PHOSPHO2: variants seen among roughly 807,000 people sequenced by gnomAD.
The protein encoded by PHOSPHO2 is phosphatase, orphan 2, also known as pyridoxal phosphate phosphatase PHOSPHO2.
Under a neutral mutation model 16.4 loss-of-function variants are expected in PHOSPHO2, and 14 were observed. The ratio of observed to expected loss-of-function variants is 0.85; its 90% CI spans 0.56 to 1.33. The LOEUF (loss-of-function observed/expected upper bound fraction) is 1.33. PHOSPHO2 is among the 40% of genes most tolerant of loss of function. PHOSPHO2 has a pLI of 0.00. For synonymous variants in PHOSPHO2, 85 were observed against 90.5 expected (o/e 0.94, Z 0.34); for missense variants, 246 against 282.5 (o/e 0.87, Z 0.93).
chr2:169,700,825 A>T (rs1305747562), intron 3 of PHOSPHO2, 121 bp from the exon 4 acceptor site: 2 of 1,011,760 alleles, frequency 2.0e-6, no homozygotes, highest in African/African-American at 1.6e-5. Flanking sequence ...TGAAGTGCTT[A>T]ATTACTTTGT....
intron 3 of PHOSPHO2, among the ~76,000 whole-genome samples, chr2:169,699,579 C>T (rs1364341590): frequency 6.6e-6 from 1 of 152,118 alleles, no homozygotes; most frequent in East Asian, 1.9e-4. Context: ...TCTGCCTCTA[C>T]GTCTTTGAGG....
At position 169,694,500 on chromosome 2, in the gene PHOSPHO2, G is replaced by C. The variant is rs942665567; in HGVS notation, c.-353G>C. On this transcript the variant is annotated 5_prime_UTR_variant, in exon 1 of 4. Coordinates refer to ENST00000359744, the MANE Select transcript of PHOSPHO2 (RefSeq NM_001008489.4). ...GGCGGTCGGGCTAGAGAAGAGAGGCGCCTGCGCTTGCGAGCTGGGCTTGTG... is the reference window on the plus strand; with the variant it reads ...GGCGGTCGGGCTAGAGAAGAGAGGCCCCTGCGCTTGCGAGCTGGGCTTGTG... 1.0e-5 allele frequency: 7 copies of C among 672,004 alleles called. No homozygotes were observed. The highest frequency in any genetic ancestry group is 3.3e-5 in the South Asian group (2 of 60,688). The allele number at this position is 672,004 out of a possible 1,614,324, so 41.6% of individuals were successfully genotyped here. A position where few individuals can be genotyped will look rare whatever the true frequency, so the allele number is the denominator to read the frequency against.
At chr2:169,695,866 A>C (rs1687510564) in intron 2 of PHOSPHO2, among the ~76,000 whole-genome samples, 1 of 152,160 alleles carries the variant, frequency 6.6e-6, no homozygotes. Flanking sequence ...GTGTGTGTCG[A>C]ATTACAGGAA....
chr2:169,699,839 T>C (rs1687683199), intron 3 of PHOSPHO2, among the ~76,000 whole-genome samples: 1 of 152,170 alleles, frequency 6.6e-6, no homozygotes, highest in Admixed American at 6.5e-5. Flanking sequence ...CTTTCCAGAA[T>C]TGTCTGTTTG....
chr2:169,696,577 A>C (rs1416966539), intron 2 of PHOSPHO2, among the ~76,000 whole-genome samples: 1 of 152,240 alleles, frequency 6.6e-6, no homozygotes, highest in East Asian at 1.9e-4. Context: ...TATTGTGTAA[A>C]GTATGCAGGA....
At position 169,701,021 on chromosome 2, in the gene PHOSPHO2, A is replaced by G. The variant is rs747218148; in HGVS notation, c.50A>G (p.Asn17Ser). Residue 17 changes from asparagine (N) to serine (S), a missense_variant, in exon 4 of 4, where the codon AAT becomes AGT. Asn to Ser is a conservative substitution (Grantham distance 46). Coordinates refer to ENST00000359744, the MANE Select transcript of PHOSPHO2 (RefSeq NM_001008489.4). The part of the protein sequence containing the change: ...FDFDNTIIDD[N>S]SDTWIVQCAP... ...TTTGACAATACAATCATAGATGACA[A>G]TAGTGACACTTGGATTGTACAATGT... is the stretch of plus-strand genomic sequence containing the variant. 36 of 1,612,252 alleles carry G rather than the reference A, an allele frequency of 2.2e-5. No individual in the cohort carries two copies. The highest frequency in any genetic ancestry group is 1.5e-4 in the Admixed American group (9 of 59,848).
intron 3 of PHOSPHO2, among the ~76,000 whole-genome samples, chr2:169,699,410 A>T (rs1404907224): frequency 6.6e-6 from 1 of 151,998 alleles, no homozygotes. Flanking sequence ...CATTTTCTTT[A>T]TCCAGTCTGT....
At chr2:169,697,992 C>CT (rs906645134) in intron 3 of PHOSPHO2, 6 of 152,120 alleles carry the variant, frequency 3.9e-5, no homozygotes, top group Non-Finnish European at 8.8e-5. Flanking sequence ...GGTGATACCC[C>CT]TATAGGTTAA....
intron 2 of PHOSPHO2, among the ~76,000 whole-genome samples, chr2:169,697,009 CA>C (rs75803493): frequency 0.12 from 16,875 of 141,952 alleles, 1,169 homozygotes; most frequent in South Asian, 0.27. Flanking sequence ...TTAGAAAATA[CA>C]AAAAAAAAAA....
rs529796471 is a variant in PHOSPHO2 at position 169,694,537 on chromosome 2, C to G, written c.-316C>G. On this transcript the variant is annotated 5_prime_UTR_variant, in exon 1 of 4. Transcript: ENST00000359744. The stretch of plus-strand genomic sequence containing the variant: ...GAGCTGGGCTTGTGAGTGGGGCTGC[C>G]GAGAGGGCAGGCGTGGGGCGAGGCC... The G allele has an allele frequency of 3.2e-6, 2 of 624,882 alleles. No individual in the cohort carries two copies. The highest frequency in any genetic ancestry group is 5.7e-6 in the Non-Finnish European group (2 of 349,728). 38.7% of individuals were successfully genotyped at this position (624,882 alleles called of 1,614,324 possible).
chr2:169,697,811 A>G (rs1687601827), intron 3 of PHOSPHO2: 1 of 152,220 alleles, frequency 6.6e-6, no homozygotes. Flanking sequence ...GCCTAGTTAC[A>G]GTACTACTGT....
intron 3 of PHOSPHO2, among the ~76,000 whole-genome samples, chr2:169,699,691 T>C (rs1687676533): frequency 6.6e-6 from 1 of 152,186 alleles, no homozygotes; most frequent in Non-Finnish European, 1.5e-5. Flanking sequence ...CCAGCATCTG[T>C]TATTTTTTGG....
rs745822089 is a variant in PHOSPHO2, at chr2:169,701,591, C to G, written c.620C>G (p.Thr207Ser). The change falls in exon 4 of 4, where the codon ACT (threonine) becomes AGT (serine). Residue 207 changes from threonine (T) to serine (S), a missense_variant. Transcript: ENST00000359744. ...CGGAAAGGATATACCTTACAGAAAA[C>G]TCTTTCCAGAATGTCTCAAAATCTT... Reference protein sequence around the residue: ...MPRKGYTLQKTLSRMSQNLEP... With the variant: ...MPRKGYTLQKSLSRMSQNLEP... 6.2e-7 allele frequency: 1 copy of G among 1,610,246 alleles called. No individual in the cohort carries two copies. Among genetic ancestry groups the G allele is most frequent in the Non-Finnish European group, 8.5e-7 (1 of 1,179,860 alleles).
rs1416673823 is a variant in PHOSPHO2 at position 169,701,704 on chromosome 2, A to G, written c.*7A>G. The G allele has an allele frequency of 6.7e-7, 1 of 1,501,522 alleles. No homozygotes were observed. Among genetic ancestry groups the G allele is most frequent in the Non-Finnish European group, 8.9e-7 (1 of 1,120,158 alleles). The allele number at this position is 1,501,522 out of a possible 1,614,324, so 93.0% of individuals were successfully genotyped here. A position where few individuals can be genotyped will look rare whatever the true frequency, so the allele number is the denominator to read the frequency against. The stretch of plus-strand genomic sequence containing the variant: ...ATTTCTAATAAAGGATTAATATGTC[A>G]GCAATTGAAAAGTGTATCACTTAAG... On this transcript the variant is annotated 3_prime_UTR_variant, in exon 4 of 4. Transcript: ENST00000359744.
rs1301477260 is a variant in PHOSPHO2, at chr2:169,701,381, A to G, written c.410A>G (p.Glu137Gly). 5 of 1,613,574 alleles carry G rather than the reference A, an allele frequency of 3.1e-6. No homozygotes were observed. The highest frequency in any genetic ancestry group is 4.2e-6 in the Non-Finnish European group (5 of 1,179,934). ...AATAGCAATGGTCATCTCACTGTTG[A>G]AAATTATCATACTCATTCTTGCAAT... ...AFNSNGHLTV[E>G]NYHTHSCNRC... The change falls in exon 4 of 4, where the codon GAA becomes GGA. Residue 137 changes from glutamate (E) to glycine (G), a missense_variant. Transcript: ENST00000359744.
chr2:169,694,725 C>T (rs1349521474), intron 1 of PHOSPHO2, 103 bp downstream of exon 1: 1 of 314,784 alleles, frequency 3.2e-6, no homozygotes, highest in African/African-American at 2.1e-5. Flanking sequence ...TGCCTACCCT[C>T]GGGGTGGAGC....
chr2:169,696,408 C>G (rs1362309400), intron 2 of PHOSPHO2, among the ~76,000 whole-genome samples: 2 of 152,200 alleles, frequency 1.3e-5, no homozygotes, highest in African/African-American at 2.4e-5. Flanking sequence ...AAAACAAAAA[C>G]AGGATTATAC....
Position 169,694,480 on chromosome 2 carries a change from T to A in PHOSPHO2, c.-373T>A. On this transcript the variant is annotated 5_prime_UTR_variant, in exon 1 of 4. Transcript: ENST00000359744. ...ACAAGGGAGGTGCTGCAGTTGGCGGTCGGGCTAGAGAAGAGAGGCGCCTGC... is the reference window on the plus strand; with the variant it reads ...ACAAGGGAGGTGCTGCAGTTGGCGGACGGGCTAGAGAAGAGAGGCGCCTGC... 1 of 748,370 alleles carries A rather than the reference T, an allele frequency of 1.3e-6. No homozygotes were observed. The highest frequency in any genetic ancestry group is 2.3e-6 in the Non-Finnish European group (1 of 430,582). The allele number at this position is 748,370 out of a possible 1,614,324, so 46.4% of individuals were successfully genotyped here.
At chr2:169,700,307 G>GT (rs1212505856) in intron 3 of PHOSPHO2, among the ~76,000 whole-genome samples, 1 of 152,072 alleles carries the variant, frequency 6.6e-6, no homozygotes, top group Non-Finnish European at 1.5e-5. Context: ...TTTCTTCTAG[G>GT]TTTTTTATAG....
Sources: allele counts gnomAD v4.1 joint callset (sites outside exome capture counted in the v4.1 genomes callset), GRCh38; gene constraint gnomAD v4.1.1; transcripts MANE v1.5; gene names NCBI Gene and HGNC (gene_info 2026-07-23, HGNC 2026-07-21).